The following SLC26A7 variants were observed in gnomAD, a reference collection of about 807,000 sequenced individuals.
The protein encoded by SLC26A7 is solute carrier family 26 member 7.
In SLC26A7, 59 loss-of-function variants were observed where a neutral mutation model predicts 82.5. The observed-to-expected ratio is 0.72, with a 90% confidence interval of 0.58 to 0.89. SLC26A7 has a LOEUF of 0.89. Among genes scored for constraint, SLC26A7 ranks in the 40% least tolerant of loss-of-function variants. The pLI is 0.00. For missense variants in SLC26A7, 820 were observed against 793.0 expected (o/e 1.03, Z -0.41); for synonymous variants, 271 against 274.3 (o/e 0.99, Z 0.12).
At chr8:91,304,088 AT>A (rs1396814480) in intron 4 of SLC26A7, among the ~76,000 whole-genome samples, 1 of 152,228 alleles carries the variant, frequency 6.6e-6, no homozygotes, top group Admixed American at 6.5e-5. Flanking sequence ...TTAGCCTAGT[AT>A]TTGACAAGCT....
chr8:91,246,483 GT>G (rs539256519), upstream of SLC26A7, among the ~76,000 whole-genome samples: 2 of 152,158 alleles, frequency 1.3e-5, no homozygotes, highest in Admixed American at 6.5e-5. Flanking sequence ...ACCAGGGAAA[GT>G]TTCGTGGAAG....
chr8:91,273,838 C>T (rs1006220320), intron 2 of SLC26A7, among the ~76,000 whole-genome samples: 3 of 152,116 alleles, frequency 2.0e-5, no homozygotes, highest in Non-Finnish European at 4.4e-5. Flanking sequence ...ATTAATTATC[C>T]TATAAATTGC....
At chr8:91,241,742 C>A (rs980400067) in intron 2 of SLC26A7, among the ~76,000 whole-genome samples, 3 of 152,066 alleles carry the variant, frequency 2.0e-5, no homozygotes, top group African/African-American at 7.2e-5. Context: ...GAAGAGGGAA[C>A]CCTAAAAATA....
chr8:91,262,343 G>T (rs1240386878), intron 2 of SLC26A7, among the ~76,000 whole-genome samples: 10 of 152,054 alleles, frequency 6.6e-5, no homozygotes, highest in East Asian at 1.9e-4. Flanking sequence ...AACTAGTCAG[G>T]ATTAGAACCT....
intron 15 of SLC26A7, among the ~76,000 whole-genome samples, chr8:91,377,385 C>T (rs1480888665): frequency 3.9e-5 from 6 of 152,052 alleles, no homozygotes; most frequent in Admixed American, 2.6e-4. Context: ...ATAGAAGTGG[C>T]GGAAAGTTAG....
At chr8:91,259,919 C>T (rs1810915758) in intron 2 of SLC26A7, among the ~76,000 whole-genome samples, 1 of 152,094 alleles carries the variant, frequency 6.6e-6, no homozygotes. Context: ...TCTTGGCTTA[C>T]TCAACTAATG....
At chr8:91,245,427 T>G (rs1200441011), upstream of SLC26A7, among the ~76,000 whole-genome samples, 1 of 152,170 alleles carries the variant, frequency 6.6e-6, no homozygotes, top group East Asian at 1.9e-4. Context: ...TTGATACAAA[T>G]TACGCAATTG....
At chr8:91,389,858 T>C (rs7845124) in intron 16 of SLC26A7, among the ~76,000 whole-genome samples, 147,862 of 152,236 alleles carry the variant, frequency 0.97, 71,958 homozygotes, top group East Asian at 1. Flanking sequence ...TGGCCTAATA[T>C]CATTTCTGGT....
intron 2 of SLC26A7, among the ~76,000 whole-genome samples, chr8:91,262,554 C>T (rs60170010): frequency 6.6e-6 from 1 of 151,992 alleles, no homozygotes; most frequent in Non-Finnish European, 1.5e-5. Flanking sequence ...CAGCCAGCAT[C>T]ATGGAAGGTC....
At chr8:91,368,615 G>A (rs577767201) in intron 14 of SLC26A7, among the ~76,000 whole-genome samples, 12 of 151,986 alleles carry the variant, frequency 7.9e-5, no homozygotes, top group African/African-American at 2.7e-4. Flanking sequence ...AGTAGAGACG[G>A]GGTTTCACCG....
chr8:91,296,717 A>AT (rs1812027010), intron 4 of SLC26A7, among the ~76,000 whole-genome samples: 1 of 152,200 alleles, frequency 6.6e-6, no homozygotes, highest in Non-Finnish European at 1.5e-5. Flanking sequence ...GTGGCAGCTC[A>AT]TTTGCTTAGG....
At chr8:91,287,884 C>T (rs1811753871) in intron 2 of SLC26A7, among the ~76,000 whole-genome samples, 1 of 152,140 alleles carries the variant, frequency 6.6e-6, no homozygotes, top group South Asian at 2.1e-4. Flanking sequence ...CTCACCATGC[C>T]TTTATGAAAT....
chr8:91,256,355 C>G (rs1252996366), intron 2 of SLC26A7, among the ~76,000 whole-genome samples: 1 of 152,216 alleles, frequency 6.6e-6, no homozygotes, highest in East Asian at 1.9e-4. Context: ...TTCCATACAC[C>G]TGGCCAGTGA....
In SLC26A7 at chr8:91,366,563, T is replaced by G. The variant is rs1814197012; in HGVS notation, c.1489-17T>G. On this transcript the variant is annotated splice_polypyrimidine_tract_variant and intron_variant, in intron 13 of 18. Transcript: ENST00000276609. ...TTTTCTATTTAGAGTTCTGAATCTG[T>G]TTTTCTCCTCCAAAAGGAAACCCTG... 6.2e-7 allele frequency: 1 copy of G among 1,608,264 alleles called. No individual in the cohort carries two copies. Among genetic ancestry groups the G allele is most frequent in the Non-Finnish European group, 8.5e-7 (1 of 1,178,610 alleles).
At chr8:91,229,645 T>C (rs1318728128) in intron 2 of SLC26A7, among the ~76,000 whole-genome samples, 4 of 152,182 alleles carry the variant, frequency 2.6e-5, no homozygotes, top group Admixed American at 2.6e-4. Context: ...ATACTTATCT[T>C]TTTATCTTTT....
At chr8:91,340,769 G>A (rs1366885404) in intron 8 of SLC26A7, 5 of 526,450 alleles carry the variant, frequency 9.5e-6, no homozygotes, top group Non-Finnish European at 1.7e-5. Flanking sequence ...TAAAATAGAA[G>A]GCATCATGAT....
chr8:91,338,702 C>T (rs1390887420), intron 7 of SLC26A7, among the ~76,000 whole-genome samples: 1 of 152,092 alleles, frequency 6.6e-6, no homozygotes, highest in African/African-American at 2.4e-5. Context: ...GCATTGTTCC[C>T]TAGCTGGCCT....
intron 4 of SLC26A7, among the ~76,000 whole-genome samples, chr8:91,300,210 G>A (rs1236092833): frequency 6.6e-6 from 1 of 152,086 alleles, no homozygotes; most frequent in Non-Finnish European, 1.5e-5. Context: ...TTTTTGTCAA[G>A]TTTATTCCCA....
At position 91,358,163 on chromosome 8, in the gene SLC26A7, G is replaced by A. The variant is rs528301607; in HGVS notation, c.1315-4190G>A. Among the ~76,000 whole-genome samples the A allele has an allele frequency of 6.6e-5, 10 of 152,248 alleles. No individual in the cohort carries two copies. The South Asian group carries it at 2.1e-3, about 32-fold the overall frequency. ...AGAAACACTTTTACACTGTTGGTGG[G>A]ACTGTAAACTAGTTCAACCATTGTG... On this transcript the variant is annotated intron_variant, in intron 11 of 18. Coordinates refer to ENST00000276609, the MANE Select transcript of SLC26A7 (RefSeq NM_052832.4).
Sources: gnomAD v4.1 joint callset for allele counts (sites outside exome capture counted in the v4.1 genomes callset) on GRCh38, gnomAD v4.1.1 for gene constraint, MANE v1.5 for transcripts, NCBI Gene and HGNC (gene_info 2026-07-23, HGNC 2026-07-21) for gene names.